Variants in GCC2 observed in about 807,000 individuals in gnomAD.
GCC2 encodes GRIP and coiled-coil domain containing 2.
A neutral mutation model predicts 210.6 loss-of-function variants in GCC2; 120 were observed. The ratio of observed to expected loss-of-function variants is 0.57; its 90% CI spans 0.49 to 0.66. The LOEUF (loss-of-function observed/expected upper bound fraction) is 0.66. Among genes scored for constraint, GCC2 ranks in the 30% least tolerant of loss-of-function variants. The pLI, the probability that GCC2 is intolerant of heterozygous loss-of-function variation, is 0.00. For synonymous variants in GCC2, 703 were observed against 652.7 expected, an observed-to-expected ratio of 1.08 and a Z score of -1.17; for missense variants, 1,868 against 1,871.9, an observed-to-expected ratio of 1.00 and a Z score of 0.04.
chr2:108,461,501 T>A (rs1194759417), intron 4 of GCC2, among the ~76,000 whole-genome samples: 6 of 152,128 alleles, frequency 3.9e-5, no homozygotes, highest in Non-Finnish European at 7.3e-5. Context: ...TTTCTGGTAT[T>A]TTTTGGTTTT....
intron 4 of GCC2, among the ~76,000 whole-genome samples, chr2:108,465,642 T>A (rs1445401392): frequency 6.6e-6 from 1 of 152,228 alleles, no homozygotes; most frequent in African/African-American, 2.4e-5. Flanking sequence ...GGCCTCTAGC[T>A]CCATCCAAGT....
chr2:108,483,727 G>A (rs1463932031), intron 12 of GCC2, among the ~76,000 whole-genome samples: 2 of 152,134 alleles, frequency 1.3e-5, no homozygotes, highest in African/African-American at 4.8e-5. Context: ...CATGATTGTT[G>A]TATGACACAT....
intron 22 of GCC2, 152 bp from the exon 23 acceptor site, chr2:108,507,408 C>CA: frequency 4.8e-5 from 17 of 354,304 alleles, no homozygotes; most frequent in South Asian, 1.3e-4. Context: ...AAAAAGAACC[C>CA]CCCCCCCCAA....
intron 3 of GCC2, 130 bp downstream of exon 3, chr2:108,451,242 A>G: frequency 1.8e-6 from 1 of 545,682 alleles, no homozygotes; most frequent in South Asian, 2.8e-5. Context: ...TTAGTGTAGT[A>G]GAATCTGTTA....
At chr2:108,473,812 A>G (rs1681362961) in intron 7 of GCC2, among the ~76,000 whole-genome samples, 2 of 152,114 alleles carry the variant, frequency 1.3e-5, no homozygotes, top group African/African-American at 4.8e-5. Context: ...AGTTAAGGGG[A>G]GAGAGCTAAG....
At chr2:108,455,952 G>A (rs756370214) in intron 4 of GCC2, among the ~76,000 whole-genome samples, 2 of 152,080 alleles carry the variant, frequency 1.3e-5, no homozygotes, top group Non-Finnish European at 2.9e-5. Context: ...GGATTGTATG[G>A]TAGCTCTATT....
chr2:108,467,228 T>A (rs1680946051), intron 4 of GCC2, among the ~76,000 whole-genome samples: 1 of 152,226 alleles, frequency 6.6e-6, no homozygotes. Flanking sequence ...CCTTCACACA[T>A]CTTTTGGTAA....
At chr2:108,474,008 A>AT (rs1047436641) in intron 7 of GCC2, among the ~76,000 whole-genome samples, 9 of 151,612 alleles carry the variant, frequency 5.9e-5, no homozygotes, top group South Asian at 4.2e-4. Context: ...AAAAAAAAAA[A>AT]TTAGCCGGGC....
In GCC2 at chr2:108,468,991, A is replaced by G; in HGVS notation, c.228A>G (p.Glu76=). The G allele has an allele frequency of 6.2e-7, 1 of 1,609,246 alleles. No homozygotes were observed. Among genetic ancestry groups the G allele is most frequent in the Non-Finnish European group, 8.5e-7 (1 of 1,175,852 alleles). Residue 76 remains glutamate (E), a synonymous_variant, in exon 5 of 23, where the codon GAA becomes GAG. Transcript: ENST00000309863. The stretch of plus-strand genomic sequence containing the variant: ...TTGTTCTAAAATAGGCATTAACTGA[A>G]CGTCTGGATGCTCTTCTTCTGGAAA... ...GTGDIIKALT[E]RLDALLLEKA...
chr2:108,478,428 T>C lies in GCC2; in HGVS notation c.3060+2578T>C, dbSNP rs373694501. ...TCTTCAGGATGCATCATTATAAAGA[T>C]ACTGAGTAATTTTTGGAGTTTGTTA... On this transcript the variant is annotated intron_variant, in intron 9 of 22. Transcript: ENST00000309863. 1.2e-4 allele frequency among the ~76,000 whole-genome samples: 19 copies of C among 152,334 alleles called. No individual in the cohort carries two copies. In the East Asian group the frequency reaches 3.5e-3, roughly 28 times the overall value.
At position 108,471,131 on chromosome 2, in the gene GCC2, A is replaced by C; in HGVS notation, c.1802A>C (p.Asn601Thr). ...ACTGAGGAAAAAGATGATTTTATAA[A>C]TAAACTGAAAAATTCCCATGAAGAA... ...SLTEEKDDFINKLKNSHEEMD... is the reference protein window; with the variant it reads ...SLTEEKDDFITKLKNSHEEMD... The change falls in exon 6 of 23, where the codon AAT becomes ACT. Residue 601 changes from asparagine to threonine, a missense_variant. Physicochemically the swap from Asn to Thr is moderately conservative, Grantham distance 65. Transcript: ENST00000309863. 1.3e-6 allele frequency: 2 copies of C among 1,587,550 alleles called. No homozygotes were observed. Among genetic ancestry groups the C allele is most frequent in the Non-Finnish European group, 1.7e-6 (2 of 1,160,928 alleles).
chr2:108,456,039 C>G (rs1165660977), intron 4 of GCC2, among the ~76,000 whole-genome samples: 1 of 151,928 alleles, frequency 6.6e-6, no homozygotes, highest in Non-Finnish European at 1.5e-5. Flanking sequence ...GGCTGTAGTG[C>G]AGTGGCATGA....
At chr2:108,474,106 C>G (rs985350372) in intron 7 of GCC2, among the ~76,000 whole-genome samples, 3 of 151,982 alleles carry the variant, frequency 2.0e-5, no homozygotes, top group African/African-American at 7.2e-5. Context: ...TGCAGTGAGC[C>G]AAGATCATGC....
chr2:108,470,708 A>G lies in GCC2; in HGVS notation c.1379A>G (p.Gln460Arg), dbSNP rs140818127. The change falls in exon 6 of 23, where the codon CAG becomes CGG. Residue 460 changes from glutamine to arginine, a missense_variant. By Grantham distance (43) the Gln-to-Arg change is conservative. This residue lies in a region of GCC2 where 1,847 missense variants were observed against 1,765.2 expected (regional missense o/e 1.05). Coordinates refer to ENST00000309863, the MANE Select transcript of GCC2 (RefSeq NM_181453.4). ...KEKLTLMFEI[Q>R]GLKEQCENLQ... ...AAATTAACATTAATGTTTGAAATAC[A>G]GGGTCTTAAGGAACAGTGTGAAAAC... 606 of 1,609,774 alleles carry G rather than the reference A, an allele frequency of 3.8e-4. No homozygotes were observed. The highest frequency in any genetic ancestry group is 3.6e-4 in the Non-Finnish European group (420 of 1,178,276).
chr2:108,503,357 A>T (rs539815653), intron 22 of GCC2, among the ~76,000 whole-genome samples: 1 of 152,334 alleles, frequency 6.6e-6, no homozygotes, highest in African/African-American at 2.4e-5. Context: ...ATTTTCCAAG[A>T]TCTCTTCTGG....
At chr2:108,476,053 G>GTTT (rs1681499727) in intron 9 of GCC2, among the ~76,000 whole-genome samples, 1 of 77,262 alleles carries the variant, frequency 1.3e-5, no homozygotes, top group African/African-American at 4.0e-5. Context: ...ATAGTGGCTT[G>GTTT]CTTTTTTTTT....
chr2:108,472,350 G>A (rs2718706), intron 6 of GCC2, among the ~76,000 whole-genome samples: 2 of 151,888 alleles, frequency 1.3e-5, no homozygotes, highest in African/African-American at 4.8e-5. Flanking sequence ...AAGATTAAAT[G>A]ATTAGGGGTT....
chr2:108,507,636 TGGAA>T lies in GCC2; in HGVS notation c.*11_*14del. 6.5e-7 allele frequency: 1 copy of T among 1,546,974 alleles called. No homozygotes were observed. Among genetic ancestry groups the T allele is most frequent in the South Asian group, 1.2e-5 (1 of 85,984 alleles). On this transcript the variant is annotated 3_prime_UTR_variant, in exon 23 of 23. Coordinates refer to ENST00000309863, the MANE Select transcript of GCC2 (RefSeq NM_181453.4). ...GTTGGTCTGGACTTCGATAGGTTGA[TGGAA>T]GGAATATTTTTATTAACCAAATAGA... is the stretch of plus-strand genomic sequence containing the variant.
In GCC2 at chr2:108,475,767, G is replaced by A. The variant is rs1163802954; in HGVS notation, c.2977G>A (p.Glu993Lys). ...TTTAAAACAGACCCAGACTGTGAAGGAAGAACTTGAATCTCTTCGATCAGA... is the reference window on the plus strand; with the variant it reads ...TTTAAAACAGACCCAGACTGTGAAGAAAGAACTTGAATCTCTTCGATCAGA... ...SSRKETQTVK[E>K]ELESLRSEKD... Residue 993 changes from glutamate (E) to lysine (K), a missense_variant, in exon 9 of 23, where the codon GAA (glutamate) becomes AAA (lysine). Glu to Lys is a moderately conservative substitution (Grantham distance 56, BLOSUM62 1). This residue lies in a region of GCC2 where 1,847 missense variants were observed against 1,765.2 expected (regional missense o/e 1.05). Coordinates refer to ENST00000309863, the MANE Select transcript of GCC2 (RefSeq NM_181453.4). 1 of 1,603,114 alleles carries A rather than the reference G, an allele frequency of 6.2e-7. No homozygotes were observed.
Sources: gnomAD v4.1 joint callset for allele counts (sites outside exome capture counted in the v4.1 genomes callset) on GRCh38, gnomAD v4.1.1 for gene constraint, gnomAD v4.1.1 regional missense constraint, MANE v1.5 for transcripts, NCBI Gene and HGNC (gene_info 2026-07-23, HGNC 2026-07-21) for gene names.